ERC1: variants seen among roughly 807,000 people sequenced by gnomAD.
The protein encoded by ERC1 is ELKS/RAB6-interacting/CAST family member 1, also known as RAB6 interacting protein 2.
A neutral mutation model predicts 132.0 loss-of-function variants in ERC1; 56 were observed. The observed-to-expected ratio is 0.42, with a 90% CI of 0.34 to 0.53. The LOEUF (loss-of-function observed/expected upper bound fraction) is 0.53. Ranked by LOEUF, ERC1 falls within the 20% of genes least tolerant of loss-of-function variation. The pLI, the probability that ERC1 is intolerant of heterozygous loss-of-function variation, is 0.03. For synonymous variants in ERC1, 478 were observed against 476.1 expected, an observed-to-expected ratio of 1.00 and a Z score of -0.05; for missense variants, 1,202 against 1,349.9, an observed-to-expected ratio of 0.89 and a Z score of 1.72.
chr12:1,168,766 C>T (rs897403723), intron 8 of ERC1, among the ~76,000 whole-genome samples: 14 of 152,068 alleles, frequency 9.2e-5, no homozygotes, highest in Non-Finnish European at 1.3e-4. Context: ...AGATTATAGG[C>T]GTGAGCCATC....
chr12:1,025,386 T>C (rs1255615791), intron 1 of ERC1, among the ~76,000 whole-genome samples: 2 of 152,242 alleles, frequency 1.3e-5, no homozygotes, highest in Admixed American at 6.5e-5. Context: ...ATTATACTTA[T>C]GTTCACTGTA....
chr12:1,477,441 G>A (rs773205395), intron 18 of ERC1, among the ~76,000 whole-genome samples: 4 of 152,134 alleles, frequency 2.6e-5, no homozygotes, highest in Non-Finnish European at 4.4e-5. Context: ...ACCCCTGCAC[G>A]TGTGAGACTG....
chr12:1,129,895 A>G (rs755498429), intron 7 of ERC1, among the ~76,000 whole-genome samples: 1 of 152,198 alleles, frequency 6.6e-6, no homozygotes, highest in African/African-American at 2.4e-5. Context: ...TCTAATATCA[A>G]TATAATAGTA....
chr12:1,438,726 GAGCCCAGGAGTTAAAGACC>G (rs1245282946), intron 17 of ERC1, among the ~76,000 whole-genome samples: 1 of 152,110 alleles, frequency 6.6e-6, no homozygotes, highest in Non-Finnish European at 1.5e-5. Flanking sequence ...AGGATCACAT[GAGCCCAGGAGTTAAAGACC>G]AGCCTAGGCA....
chr12:1,081,115 T>A (rs1361571005), intron 2 of ERC1, among the ~76,000 whole-genome samples: 1 of 152,200 alleles, frequency 6.6e-6, no homozygotes, highest in Non-Finnish European at 1.5e-5. Flanking sequence ...TATGGTACAC[T>A]GCTTAGGCCT....
At chr12:1,263,224 A>G (rs942351745) in intron 14 of ERC1, 59 bp downstream of exon 14, 1 of 1,558,014 alleles carries the variant, frequency 6.4e-7, no homozygotes, top group African/African-American at 1.4e-5. Context: ...GTAACACACA[A>G]CCAGTATAGT....
chr12:1,044,757 G>A (rs901576735), intron 2 of ERC1, among the ~76,000 whole-genome samples: 2 of 152,126 alleles, frequency 1.3e-5, no homozygotes, highest in Non-Finnish European at 2.9e-5. Context: ...GGTCACAGTG[G>A]ATAATAAGTT....
intron 8 of ERC1, among the ~76,000 whole-genome samples, chr12:1,169,507 C>G (rs939395092): frequency 6.6e-6 from 1 of 152,128 alleles, no homozygotes; most frequent in Admixed American, 6.6e-5. Context: ...TTTTTCTCCT[C>G]CTATCTACTG....
chr12:1,205,828 A>G (rs114728390), intron 12 of ERC1, among the ~76,000 whole-genome samples: 71 of 152,224 alleles, frequency 4.7e-4, no homozygotes, highest in Middle Eastern at 6.8e-3. Context: ...TTAAGCTTCA[A>G]GCTGACTCAT....
intron 15 of ERC1, among the ~76,000 whole-genome samples, chr12:1,357,933 C>G (rs2085699476): frequency 6.6e-6 from 1 of 152,124 alleles, no homozygotes; most frequent in Non-Finnish European, 1.5e-5. Flanking sequence ...TTGAGTAAAT[C>G]CCTAACAGAA....
At chr12:1,444,375 C>T (rs1237420740) in intron 17 of ERC1, 187 bp from the exon 18 acceptor site, 6 of 503,122 alleles carry the variant, frequency 1.2e-5, no homozygotes, top group South Asian at 6.3e-5. Context: ...CGTGTGACAG[C>T]GTAAATGTGT....
chr12:1,009,008 AG>A (rs1186261228), intron 1 of ERC1, among the ~76,000 whole-genome samples: 1 of 152,186 alleles, frequency 6.6e-6, no homozygotes, highest in Non-Finnish European at 1.5e-5. Flanking sequence ...GTAGCAAGAC[AG>A]AAGTTAGAAG....
chr12:1,219,811 G>GT (rs1958802418), intron 12 of ERC1, among the ~76,000 whole-genome samples: 2 of 151,802 alleles, frequency 1.3e-5, no homozygotes, highest in South Asian at 4.2e-4. Flanking sequence ...TAATTTTTGT[G>GT]TTTTTTGTAG....
chr12:1,278,943 T>C (rs1356696327), intron 14 of ERC1, among the ~76,000 whole-genome samples: 2 of 151,984 alleles, frequency 1.3e-5, no homozygotes, highest in Non-Finnish European at 2.9e-5. Flanking sequence ...GAAAACTTTA[T>C]AAATAATATA....
At chr12:1,256,588 T>A (rs2076835790) in intron 13 of ERC1, among the ~76,000 whole-genome samples, 1 of 150,850 alleles carries the variant, frequency 6.6e-6, no homozygotes, top group Admixed American at 6.6e-5. Context: ...TTCTTGGTGT[T>A]GAACTATTTA....
At chr12:1,376,642 G>A (rs558727124) in intron 16 of ERC1, among the ~76,000 whole-genome samples, 140 of 152,176 alleles carry the variant, frequency 9.2e-4, no homozygotes, top group Non-Finnish European at 1.8e-3. Flanking sequence ...AAGACTAAGC[G>A]GTGGAGCTAG....
rs574859764 is a variant in ERC1, at chr12:1,213,737, CA to C, written c.2352-23014del. ...TAGGCGACATAGCAAGACTCCATCTCAAAAAAAAAAAAAAAAAATTGCCACG... is the reference window on the plus strand; with the variant it reads ...TAGGCGACATAGCAAGACTCCATCTCAAAAAAAAAAAAAAAAATTGCCACG... On this transcript the variant is annotated intron_variant, in intron 12 of 18. Coordinates refer to ENST00000360905, the MANE Select transcript of ERC1 (RefSeq NM_178040.4). 4.6e-3 allele frequency among the ~76,000 whole-genome samples: 460 copies of C among 100,700 alleles called. 2 individuals carry two copies. Among genetic ancestry groups the C allele is most frequent in the Admixed American group, 0.018 (169 of 9,372 alleles). 66.1% of individuals were successfully genotyped at this position (100,700 alleles called of 152,430 possible).
At chr12:1,125,645 G>A (rs889367197) in intron 7 of ERC1, among the ~76,000 whole-genome samples, 8 of 151,916 alleles carry the variant, frequency 5.3e-5, no homozygotes, top group African/African-American at 1.7e-4. Flanking sequence ...GTGAAAACCC[G>A]TCTCTACTAA....
At chr12:1,292,289 G>C (rs139056751) in intron 15 of ERC1, among the ~76,000 whole-genome samples, 6 of 152,282 alleles carry the variant, frequency 3.9e-5, no homozygotes, top group Non-Finnish European at 5.9e-5. Context: ...GTTTCATTGA[G>C]AGTTTAGAGC....
Sources: allele counts gnomAD v4.1 joint callset (sites outside exome capture counted in the v4.1 genomes callset), GRCh38; gene constraint gnomAD v4.1.1; transcripts MANE v1.5; gene names NCBI Gene and HGNC (gene_info 2026-07-23, HGNC 2026-07-21).